MYT1: variants seen among roughly 807,000 people sequenced by gnomAD.
The protein encoded by MYT1 is myelin transcription factor 1, also known as myelin transcription factor I.
MYT1 carries 23 observed loss-of-function variants against 123.0 expected under a neutral mutation model. The observed-to-expected ratio is 0.19, with a 90% CI of 0.13 to 0.26. The LOEUF (loss-of-function observed/expected upper bound fraction) is 0.26. Among genes scored for constraint, MYT1 ranks in the 10% least tolerant of loss-of-function variants. The pLI, the probability that MYT1 is intolerant of heterozygous loss-of-function variation, is 1.00. For missense variants in MYT1, 1,125 were observed against 1,472.5 expected (o/e 0.76, Z 3.86); for synonymous variants, 518 against 575.3 (o/e 0.90, Z 1.43).
intron 14 of MYT1, 46 bp downstream of exon 14, chr20:64,222,093 G>A (rs1984024189): frequency 2.5e-6 from 4 of 1,605,680 alleles, no homozygotes; most frequent in African/African-American, 1.3e-5. Context: ...ACCCTCTGTG[G>A]CCTGGGGAGG....
chr20:64,197,202 A>T (rs1983149575), intron 2 of MYT1, among the ~76,000 whole-genome samples: 1 of 152,250 alleles, frequency 6.6e-6, no homozygotes, highest in Non-Finnish European at 1.5e-5. Context: ...GGTTGCATAA[A>T]TTACCCAGGT....
rs964574749 is a variant in MYT1, at chr20:64,186,530, C to T, written c.-98-3533C>T. ...TCCTCATGGGTTCACTTCCAGGCTC[C>T]GTCCACACATGTCTCTCCATCTCCA... On this transcript the variant is annotated intron_variant, in intron 1 of 22. Coordinates refer to ENST00000328439, the MANE Select transcript of MYT1 (RefSeq NM_004535.3). The surrounding 1 kb of genome is among the most constrained non-coding windows in gnomAD (Gnocchi z 4.3). 7.9e-5 allele frequency among the ~76,000 whole-genome samples: 12 copies of T among 152,368 alleles called. No individual in the cohort carries two copies. The East Asian group carries it at 9.6e-4, about 12-fold the overall frequency.
Position 64,213,779 on chromosome 20 carries a change from G to A in MYT1, c.1631+132G>A, listed in dbSNP as rs373066013. The A allele has an allele frequency of 8.6e-5, 64 of 747,632 alleles. No individual in the cohort carries two copies. The highest frequency in any genetic ancestry group is 9.7e-5 in the Non-Finnish European group (44 of 451,716). The allele number at this position is 747,632 out of a possible 1,614,324, so 46.3% of individuals were successfully genotyped here. On this transcript the variant is annotated intron_variant, in intron 10 of 22. Coordinates refer to ENST00000328439, the MANE Select transcript of MYT1 (RefSeq NM_004535.3). This position sits in a 1 kb window ranked among gnomAD's most constrained non-coding sequence, Gnocchi z 5.6. ...TGAGTGTACGTGCATGTGAGTGTACGTGCATGTGAGTGTGCACATGCCCCG... is the reference window on the plus strand; with the variant it reads ...TGAGTGTACGTGCATGTGAGTGTACATGCATGTGAGTGTGCACATGCCCCG...
chr20:64,222,965 T>G, intron 14 of MYT1, 146 bp from the exon 15 acceptor site: 8 of 775,436 alleles, frequency 1.0e-5, no homozygotes. Context: ...GCACCGGCTG[T>G]CCTCCAAGGA....
At position 64,171,001 on chromosome 20, in the gene MYT1, C is replaced by T. The variant is rs986422924; in HGVS notation, c.-99+6262C>T. Among the ~76,000 whole-genome samples the T allele has an allele frequency of 5.2e-4, 78 of 149,856 alleles. 1 individual carries two copies. The highest frequency in any genetic ancestry group is 1.4e-3 in the African/African-American group (57 of 40,770). Reference sequence around the variant, plus strand: ...CCTTCTTGGCTGCAACCTCCGCCTCCGGGTTCAAGCAATTCCGTCTGCCTC... The same window carrying T: ...CCTTCTTGGCTGCAACCTCCGCCTCTGGGTTCAAGCAATTCCGTCTGCCTC... On this transcript the variant is annotated intron_variant, in intron 1 of 22. Coordinates refer to ENST00000328439, the MANE Select transcript of MYT1 (RefSeq NM_004535.3).
rs192763162 is a variant in MYT1 at position 64,168,555 on chromosome 20, G to A, written c.-99+3816G>A. On this transcript the variant is annotated intron_variant, in intron 1 of 22. Coordinates refer to ENST00000328439, the MANE Select transcript of MYT1 (RefSeq NM_004535.3). This position sits in a 1 kb window ranked among gnomAD's most constrained non-coding sequence, Gnocchi z 6.1. ...GGCCTTGCAGAGGAGAGAGGATGTC[G>A]ACACAGCTGTGGGTGTCTGTGGTCC... Among the ~76,000 whole-genome samples the A allele has an allele frequency of 3.0e-3, 463 of 152,318 alleles. 3 individuals are homozygous for A. The highest frequency in any genetic ancestry group is 4.1e-3 in the Non-Finnish European group (280 of 68,026).
At chr20:64,178,887 C>T (rs74730530) in intron 1 of MYT1, among the ~76,000 whole-genome samples, 13 of 121,356 alleles carry the variant, frequency 1.1e-4, no homozygotes, top group South Asian at 3.1e-4. Flanking sequence ...AGCACTAAGC[C>T]GTTATTCAGT....
chr20:64,211,210 T>C lies in MYT1; in HGVS notation c.1296T>C (p.Pro432=), dbSNP rs1271899828. Residue 432 remains proline (P), a synonymous_variant, in exon 8 of 23, where the codon CCT becomes CCC. Transcript: ENST00000328439. ...GATGTGACTTGTGTGTTTTAGATCC[T>C]TCAAGAGCTGAGAAGCGTGAGATCA... The part of the protein sequence containing the change: ...TVRKSYYSKD[P]SRAEKREIKC... 6.2e-7 allele frequency: 1 copy of C among 1,612,924 alleles called. No individual in the cohort carries two copies. The highest frequency in any genetic ancestry group is 1.3e-5 in the African/African-American group (1 of 75,066).
Position 64,203,747 on chromosome 20 carries a change from G to T in MYT1, c.87-1288G>T, listed in dbSNP as rs1003164725. Among the ~76,000 whole-genome samples, 5 of 152,232 alleles carry T rather than the reference G, an allele frequency of 3.3e-5. No individual in the cohort carries two copies. Among genetic ancestry groups the T allele is most frequent in the Non-Finnish European group, 7.3e-5 (5 of 68,042 alleles). On this transcript the variant is annotated intron_variant, in intron 4 of 22. Transcript: ENST00000328439. The surrounding 1 kb of genome is among the most constrained non-coding windows in gnomAD (Gnocchi z 5.1). ...GGGAGGGTGGCCTGCAAGCCCACTG[G>T]GCCCCACAGTTGTCTGCAGTCAGGC...
In MYT1 at chr20:64,208,196, C is replaced by G; in HGVS notation, c.1000C>G (p.Pro334Ala). The G allele has an allele frequency of 6.2e-7, 1 of 1,613,962 alleles. No homozygotes were observed. The highest frequency in any genetic ancestry group is 8.5e-7 in the Non-Finnish European group (1 of 1,180,016). ...CCCTGAGCTCCGGGGCCCAGAATCA[C>G]CCAGTCCCAAGCCTGAGTACTCTGT... ...KAPELRGPES[P>A]SPKPEYSVIV... is the part of the protein sequence containing the mutation. Residue 334 changes from proline (P) to alanine (A), a missense_variant, in exon 7 of 23, where the codon CCC becomes GCC. Coordinates refer to ENST00000328439, the MANE Select transcript of MYT1 (RefSeq NM_004535.3). This position sits in a 1 kb window ranked among gnomAD's most constrained non-coding sequence, Gnocchi z 5.4.
At chr20:64,224,354 T>C (rs1984104258) in intron 16 of MYT1, among the ~76,000 whole-genome samples, 1 of 152,150 alleles carries the variant, frequency 6.6e-6, no homozygotes, top group Non-Finnish European at 1.5e-5. Flanking sequence ...GGAAATGAAC[T>C]TGCTGAAGGC....
At chr20:64,237,513 G>A in intron 21 of MYT1, 123 bp downstream of exon 21, 1 of 726,052 alleles carries the variant, frequency 1.4e-6, no homozygotes. Context: ...CTGACGGACA[G>A]CGCAGTGGCT....
chr20:64,178,571 G>A (rs1359996554), intron 1 of MYT1, among the ~76,000 whole-genome samples: 2 of 148,376 alleles, frequency 1.3e-5, no homozygotes, highest in African/African-American at 2.5e-5. Context: ...TTATTCGGTG[G>A]GATACCCTTC....
chr20:64,170,401 G>C (rs947333911), intron 1 of MYT1, among the ~76,000 whole-genome samples: 1 of 152,140 alleles, frequency 6.6e-6, no homozygotes, highest in Non-Finnish European at 1.5e-5. Flanking sequence ...AGCATCCCAA[G>C]TCAAGGGGCT....
rs374986852 is a variant in MYT1, at chr20:64,169,050, A to G, written c.-99+4311A>G. On this transcript the variant is annotated intron_variant, in intron 1 of 22. Coordinates refer to ENST00000328439, the MANE Select transcript of MYT1 (RefSeq NM_004535.3). ...TTTTGCTGCCTGCAATCCACACATCAGAGGAGGAGCGTGAGAAGAGGGGGC... is the reference window on the plus strand; with the variant it reads ...TTTTGCTGCCTGCAATCCACACATCGGAGGAGGAGCGTGAGAAGAGGGGGC... 1.3e-3 allele frequency among the ~76,000 whole-genome samples: 192 copies of G among 152,240 alleles called. 1 individual carries two copies. Among genetic ancestry groups the G allele is most frequent in the Middle Eastern group, 3.4e-3 (1 of 294 alleles).
chr20:64,179,292 C>G (rs1982572536), intron 1 of MYT1, among the ~76,000 whole-genome samples: 1 of 152,218 alleles, frequency 6.6e-6, no homozygotes, highest in Admixed American at 6.5e-5. Context: ...GTGGGTTTGT[C>G]CAGTGTTGCC....
Position 64,213,690 on chromosome 20 carries a change from A to C in MYT1, c.1631+43A>C. On this transcript the variant is annotated intron_variant, in intron 10 of 22. Transcript: ENST00000328439. The surrounding 1 kb of genome is among the most constrained non-coding windows in gnomAD (Gnocchi z 5.6). Reference sequence around the variant, plus strand: ...CAGAACTGAAGAGGCTGCCTCCCAAATGCCTGCAGAGGGCTTCTCAGTCTC... The same window carrying C: ...CAGAACTGAAGAGGCTGCCTCCCAACTGCCTGCAGAGGGCTTCTCAGTCTC... 1 of 1,526,464 alleles carries C rather than the reference A, an allele frequency of 6.6e-7. No homozygotes were observed. The highest frequency in any genetic ancestry group is 9.1e-7 in the Non-Finnish European group (1 of 1,102,974). 94.6% of individuals were successfully genotyped at this position (1,526,464 alleles called of 1,614,324 possible). A position where few individuals can be genotyped will look rare whatever the true frequency, so the allele number is the denominator to read the frequency against.
rs1046267926 is a variant in MYT1 at position 64,208,700 on chromosome 20, C to T, written c.1291+213C>T. On this transcript the variant is annotated intron_variant, in intron 7 of 22. Transcript: ENST00000328439. This position sits in a 1 kb window ranked among gnomAD's most constrained non-coding sequence, Gnocchi z 5.4. ...TAGAGCGATCTGGAGCGAGACACAG[C>T]GGAGACGTGTGAGAAAGAACCAGGT... is the stretch of plus-strand genomic sequence containing the variant. Among the ~76,000 whole-genome samples the T allele has an allele frequency of 4.3e-4, 65 of 150,072 alleles. 2 individuals are homozygous for T. Among genetic ancestry groups the T allele is most frequent in the Admixed American group, 1.3e-3 (20 of 15,108 alleles).
At chr20:64,227,629 A>T in intron 17 of MYT1, 152 bp downstream of exon 17, 1 of 839,518 alleles carries the variant, frequency 1.2e-6, no homozygotes, top group Non-Finnish European at 1.8e-6. Flanking sequence ...AACCTGATTA[A>T]GTTGTCCTCT....
Sources: allele counts gnomAD v4.1 joint callset (sites outside exome capture counted in the v4.1 genomes callset), GRCh38; gene constraint gnomAD v4.1.1; non-coding constraint Gnocchi (gnomAD v3.1); transcripts MANE v1.5; gene names NCBI Gene and HGNC (gene_info 2026-07-23, HGNC 2026-07-21).